SGO1: variants seen among roughly 807,000 people sequenced by gnomAD.
SGO1 encodes shugoshin 1.
A neutral mutation model predicts 50.5 loss-of-function variants in SGO1; 39 were observed. The observed-to-expected ratio is 0.77, with a 90% CI of 0.60 to 1.01. The LOEUF (loss-of-function observed/expected upper bound fraction) is 1.01. SGO1 is among the 50% of genes least tolerant of loss of function. The pLI is 0.00. For missense variants in SGO1, 638 were observed against 606.0 expected (o/e 1.05, Z -0.55); for synonymous variants, 191 against 205.1 (o/e 0.93, Z 0.59).
downstream of SGO1, chr3:20,168,947 CT>C: frequency 1.0e-6 from 1 of 984,924 alleles, no homozygotes; most frequent in South Asian, 4.7e-5. Context: ...GAGAAACTGA[CT>C]TTTTAATGGT....
chr3:20,181,484 T>G (rs985423006), intron 3 of SGO1, among the ~76,000 whole-genome samples: 14 of 152,190 alleles, frequency 9.2e-5, no homozygotes, highest in Non-Finnish European at 1.8e-4. Context: ...CACAAGCAAT[T>G]AGTACATAGC....
At chr3:20,182,972 C>G (rs62241698) in intron 3 of SGO1, among the ~76,000 whole-genome samples, 2 of 151,872 alleles carry the variant, frequency 1.3e-5, no homozygotes, top group East Asian at 3.9e-4. Flanking sequence ...GAGCCGAGAT[C>G]GCGCCACTGC....
At chr3:20,178,156 A>C in intron 4 of SGO1, 115 bp downstream of exon 4, 1 of 739,232 alleles carries the variant, frequency 1.4e-6, no homozygotes, top group Non-Finnish European at 2.3e-6. Flanking sequence ...TCAGTAGAGA[A>C]AGCAACAGAC....
chr3:20,186,389 C>A (rs536381501), upstream of SGO1: 17 of 152,460 alleles, frequency 1.1e-4, no homozygotes, highest in African/African-American at 3.4e-4. Context: ...GGTCGGGTCT[C>A]GGCGACCCGC....
At chr3:20,177,736 T>C (rs1701562952) in intron 4 of SGO1, among the ~76,000 whole-genome samples, 1 of 152,210 alleles carries the variant, frequency 6.6e-6, no homozygotes, top group South Asian at 2.1e-4. Flanking sequence ...GATCTGTGCA[T>C]TTTACTGTTT....
At chr3:20,185,705 G>A (rs17006709) in intron 1 of SGO1, among the ~76,000 whole-genome samples, 9,484 of 152,218 alleles carry the variant, frequency 0.062, 949 homozygotes, top group African/African-American at 0.21. Flanking sequence ...TCCTTACGTT[G>A]AGCCAGGCTT....
downstream of SGO1, among the ~76,000 whole-genome samples, chr3:20,166,452 G>T (rs1559344909): frequency 6.6e-6 from 1 of 152,024 alleles, no homozygotes; most frequent in African/African-American, 2.4e-5. Flanking sequence ...TGAACCTTGC[G>T]ATTATTATGC....
chr3:20,161,016 C>T, exon 9 of SGO1: 1 of 1,576,208 alleles, frequency 6.3e-7, no homozygotes, highest in Non-Finnish European at 8.6e-7. Context: ...TCTCCCCCAA[C>T]ACATAAAGCT....
chr3:20,161,061 G>A lies in SGO1; in HGVS notation c.*44C>T, dbSNP rs374709212. The A allele has an allele frequency of 1.3e-4, 215 of 1,612,330 alleles. 2 individuals carry two copies. The highest frequency in any genetic ancestry group is 1.0e-4 in the Non-Finnish European group (120 of 1,179,172). ...TAAAGGTCTGCATACATTAGTGAAT[G>A]CATGGACTAAAAAAGTTTTCTAAGG... On this transcript the variant is annotated 3_prime_UTR_variant, in exon 9 of 9. Coordinates refer to the SGO1 transcript ENST00000263753.
Position 20,170,804 on chromosome 3 carries a change from C to G in SGO1, c.1484G>C (p.Arg495Thr), listed in dbSNP as rs776221311. Residue 495 changes from arginine to threonine, a missense_variant, in exon 8 of 8, where the codon AGA (arginine) becomes ACA (threonine). Physicochemically the swap from Arg to Thr is moderately conservative, Grantham distance 71 (BLOSUM62 -1). Coordinates refer to ENST00000412997, the MANE Select transcript of SGO1 (RefSeq NM_001199251.3). ...KEPTLASKLRRGDPFTDLCFL... is the reference protein window; with the variant it reads ...KEPTLASKLRTGDPFTDLCFL... ...ACACAAATCTGTAAAAGGGTCCCCT[C>G]TTCTCAGTTTCCTGTAAGAGTAAAA... 78 of 1,592,688 alleles carry G rather than the reference C, an allele frequency of 4.9e-5. No homozygotes were observed. The highest frequency in any genetic ancestry group is 6.4e-5 in the Non-Finnish European group (75 of 1,174,928).
In SGO1 at chr3:20,174,261, T is replaced by C. The variant is rs1559358266; in HGVS notation, c.1270A>G (p.Lys424Glu). ...GTAGATCACTTACTGGTAGGAGTTT[T>C]TGTTGGCTTAGAACCCTCCGTCTCT... is the stretch of plus-strand genomic sequence containing the variant. ...EKETEGSKPT[K>E]TPTTTPPETQ... is the part of the protein sequence containing the mutation. Residue 424 changes from lysine to glutamate, a missense_variant, in exon 6 of 8, where the codon AAA becomes GAA. Coordinates refer to ENST00000412997, the MANE Select transcript of SGO1 (RefSeq NM_001199251.3). The C allele has an allele frequency of 1.9e-6, 3 of 1,612,606 alleles. No homozygotes were observed. The highest frequency in any genetic ancestry group is 1.7e-5 in the Admixed American group (1 of 59,822).
chr3:20,160,977 G>A, exon 9 of SGO1: 1 of 1,400,560 alleles, frequency 7.1e-7, no homozygotes, highest in Non-Finnish European at 9.7e-7. Context: ...TGTAGGCTGA[G>A]TGAAACAGAC....
In SGO1 at chr3:20,177,687, C is replaced by T. The variant is rs567161831; in HGVS notation, c.416+584G>A. Among the ~76,000 whole-genome samples, 8 of 152,238 alleles carry T rather than the reference C, an allele frequency of 5.3e-5. No homozygotes were observed. In the South Asian group the frequency reaches 6.2e-4, roughly 12 times the overall value. On this transcript the variant is annotated intron_variant, in intron 4 of 7. Coordinates refer to ENST00000412997, the MANE Select transcript of SGO1 (RefSeq NM_001199251.3). ...TGTCTTCATTGAAATTTTAGTTCCA[C>T]GATATATACATTAGTCAAACTCATC...
At chr3:20,186,440 A>T (rs182809411), upstream of SGO1, 53 of 152,206 alleles carry the variant, frequency 3.5e-4, no homozygotes, top group African/African-American at 1.3e-3. Context: ...TTACGGGTGG[A>T]GTTACTCCGA....
intron 6 of SGO1, among the ~76,000 whole-genome samples, chr3:20,171,683 G>T (rs533005105): frequency 6.6e-6 from 1 of 152,182 alleles, no homozygotes; most frequent in South Asian, 2.1e-4. Flanking sequence ...CTTGCTATTT[G>T]GAATCAAGTC....
At chr3:20,181,152 C>G (rs973186711) in intron 3 of SGO1, among the ~76,000 whole-genome samples, 5 of 152,138 alleles carry the variant, frequency 3.3e-5, no homozygotes, top group Non-Finnish European at 7.4e-5. Flanking sequence ...GAGACTCTGT[C>G]CACCCCCAAC....
At chr3:20,182,439 T>C (rs1364561754) in intron 3 of SGO1, among the ~76,000 whole-genome samples, 1 of 150,644 alleles carries the variant, frequency 6.6e-6, no homozygotes, top group Non-Finnish European at 1.5e-5. Flanking sequence ...AGCGAAGCAA[T>C]GGCCACTGGG....
chr3:20,183,540 T>G, intron 3 of SGO1, 68 bp downstream of exon 3: 1 of 1,240,298 alleles, frequency 8.1e-7, no homozygotes, highest in Non-Finnish European at 1.1e-6. Context: ...TTAAATAACA[T>G]AATTGATCTA....
chr3:20,171,997 A>G (rs1168825364), intron 6 of SGO1, among the ~76,000 whole-genome samples: 4 of 152,226 alleles, frequency 2.6e-5, no homozygotes, highest in East Asian at 3.9e-4. Flanking sequence ...AAAAACTATA[A>G]CTGTGAAATG....
Sources: gnomAD v4.1 joint callset for allele counts (sites outside exome capture counted in the v4.1 genomes callset) on GRCh38, gnomAD v4.1.1 for gene constraint, MANE v1.5 for transcripts, NCBI Gene and HGNC (gene_info 2026-07-23, HGNC 2026-07-21) for gene names.